Variants in BTBD6 observed in about 807,000 individuals in gnomAD.
BTBD6 encodes the protein BTB/POZ domain-containing protein 6.
In BTBD6, 30 loss-of-function variants were observed where a neutral mutation model predicts 40.6. The ratio of observed to expected loss-of-function variants is 0.74; its 90% CI spans 0.55 to 1.00. The LOEUF (loss-of-function observed/expected upper bound fraction) is 1.00, where lower values mean the gene tolerates loss of function less well. Among genes scored for constraint, BTBD6 ranks in the 50% least tolerant of loss-of-function variants. The pLI is 0.00. For missense variants in BTBD6, 698 were observed against 694.6 expected (o/e 1.00, Z -0.06); for synonymous variants, 378 against 308.7 (o/e 1.22, Z -2.35).
rs1356884438 is a variant in BTBD6, at chr14:105,248,853, G to A, written c.142G>A (p.Ala48Thr). Reference sequence around the variant, plus strand: ...GTCCACAGGCGCCGAGGCTGCCCCCGCCGCCCCGCCCGCGAAGATGGCGGC... The same window carrying A: ...GTCCACAGGCGCCGAGGCTGCCCCCACCGCCCCGCCCGCGAAGATGGCGGC... ...AASTGAEAAPAAPPAKMAAEL... is the reference protein window; with the variant it reads ...AASTGAEAAPTAPPAKMAAEL... The change falls in exon 1 of 4, where the codon GCC becomes ACC. Residue 48 changes from alanine to threonine, a missense_variant. Coordinates refer to ENST00000392554, the MANE Select transcript of BTBD6 (RefSeq NM_001387567.1). 2 of 990,324 alleles carry A rather than the reference G, an allele frequency of 2.0e-6. No homozygotes were observed. The highest frequency in any genetic ancestry group is 5.1e-4 in the Middle Eastern group (1 of 1,956). The allele number at this position is 990,324 out of a possible 1,614,324, so 61.3% of individuals were successfully genotyped here. A position where few individuals can be genotyped will look rare whatever the true frequency, so the allele number is the denominator to read the frequency against.
chr14:105,249,319 T>G, intron 2 of BTBD6, 41 bp from the exon 3 acceptor site: 1 of 1,595,780 alleles, frequency 6.3e-7, no homozygotes, highest in Non-Finnish European at 8.5e-7. Context: ...ACACGCAGCC[T>G]GCGGGAGAGC....
In BTBD6 at chr14:105,249,341, C is replaced by T. The variant is rs1388525221; in HGVS notation, c.466-19C>T. Reference sequence around the variant, plus strand: ...GCCTGCGGGAGAGCCAGGCTCACGGCGGCGCTTTCTCCTCCCAGTACGTCT... The same window carrying T: ...GCCTGCGGGAGAGCCAGGCTCACGGTGGCGCTTTCTCCTCCCAGTACGTCT... On this transcript the variant is annotated intron_variant, in intron 2 of 3. Coordinates refer to ENST00000392554, the MANE Select transcript of BTBD6 (RefSeq NM_001387567.1). 7 of 1,604,640 alleles carry T rather than the reference C, an allele frequency of 4.4e-6. No homozygotes were observed. The highest frequency in any genetic ancestry group is 2.2e-5 in the East Asian group (1 of 44,704).
In BTBD6 at chr14:105,248,612, CTGGCCGGGCT is replaced by C. The variant is rs2055326387; in HGVS notation, c.-99_-90del. 1.0e-6 allele frequency: 1 copy of C among 975,024 alleles called. No individual in the cohort carries two copies. Among genetic ancestry groups the C allele is most frequent in the Non-Finnish European group, 1.2e-6 (1 of 824,598 alleles). 60.4% of individuals were successfully genotyped at this position (975,024 alleles called of 1,614,324 possible). On this transcript the variant is annotated 5_prime_UTR_variant, in exon 1 of 4. Transcript: ENST00000392554. Reference sequence around the variant, plus strand: ...GGGACGGCGCCCCCCGCGGCCGGGCCTGGCCGGGCTGCGCTAGGCTGGGCTCGGGCAGGGT... The same window carrying C: ...GGGACGGCGCCCCCCGCGGCCGGGCCGCGCTAGGCTGGGCTCGGGCAGGGT...
chr14:105,249,286 C>T (rs1409939051), intron 2 of BTBD6, 39 bp downstream of exon 2: 8 of 1,561,904 alleles, frequency 5.1e-6, no homozygotes, highest in Non-Finnish European at 6.1e-6. Flanking sequence ...CGTGCCCCGT[C>T]CGCCCCGTCC....
chr14:105,250,674 G>T lies in BTBD6; in HGVS notation c.*2G>T. On this transcript the variant is annotated 3_prime_UTR_variant, in exon 4 of 4. Coordinates refer to ENST00000392554, the MANE Select transcript of BTBD6 (RefSeq NM_001387567.1). ...CCTGAGCTCATTTTCTATGCCTGAGGTGCCCGGGGAGGCTGCAGCAGGTCA... is the reference window on the plus strand; with the variant it reads ...CCTGAGCTCATTTTCTATGCCTGAGTTGCCCGGGGAGGCTGCAGCAGGTCA... The T allele has an allele frequency of 6.2e-7, 1 of 1,602,486 alleles. No homozygotes were observed. The highest frequency in any genetic ancestry group is 8.5e-7 in the Non-Finnish European group (1 of 1,172,158).
chr14:105,249,578 AGGCCCAGCCCCGCGATGGGTGCTT>A, intron 3 of BTBD6, 38 bp from the exon 4 acceptor site: 1 of 1,586,870 alleles, frequency 6.3e-7, no homozygotes, highest in Non-Finnish European at 8.6e-7. Context: ...CTCCTCTCCC[AGGCCCAGCCCCGCGATGGGTGCTT>A]GGGAGCCAGC....
chr14:105,249,640 G>A lies in BTBD6; in HGVS notation c.585G>A (p.Lys195=). The change falls in exon 4 of 4, where the codon AAG becomes AAA. Residue 195 remains lysine, a splice_region_variant and synonymous_variant. Coordinates refer to ENST00000392554, the MANE Select transcript of BTBD6 (RefSeq NM_001387567.1). ...CTGACGCGGGCCCTGCCTCGCCTAG[G>A]TACATGTACAGTGATGAGATCGATC... The part of the protein sequence containing the change: ...VEPAAFLILL[K]YMYSDEIDLE... The A allele has an allele frequency of 2.5e-6, 4 of 1,609,154 alleles. No individual in the cohort carries two copies. The highest frequency in any genetic ancestry group is 3.4e-6 in the Non-Finnish European group (4 of 1,177,276).
rs1386738404 is a variant in BTBD6 at position 105,248,576 on chromosome 14, G to GGCGAGCGGGCGGGCGGGACGGCGA, written c.-133_-132insAGCGGGCGGGCGGGACGGCGAGCG. 1.1e-6 allele frequency: 1 copy of GGCGAGCGGGCGGGCGGGACGGCGA among 913,498 alleles called. No homozygotes were observed. Among genetic ancestry groups the GGCGAGCGGGCGGGCGGGACGGCGA allele is most frequent in the African/African-American group, 1.9e-5 (1 of 52,548 alleles). The allele number at this position is 913,498 out of a possible 1,614,324, so 56.6% of individuals were successfully genotyped here. On this transcript the variant is annotated 5_prime_UTR_variant, in exon 1 of 4. Coordinates refer to ENST00000392554, the MANE Select transcript of BTBD6 (RefSeq NM_001387567.1). ...GCCGCGGCGGGTACGGGCTCGGGCG[G>GGCGAGCGGGCGGGCGGGACGGCGA]GCGGGCGGGCGGGACGGCGCCCCCC...
In BTBD6 at chr14:105,248,767, T is replaced by C; in HGVS notation, c.56T>C (p.Leu19Ser). The C allele has an allele frequency of 1.0e-6, 1 of 980,968 alleles. No homozygotes were observed. The highest frequency in any genetic ancestry group is 1.2e-6 in the Non-Finnish European group (1 of 828,714). The allele number at this position is 980,968 out of a possible 1,614,324, so 60.8% of individuals were successfully genotyped here. The change falls in exon 1 of 4, where the codon TTG (leucine) becomes TCG (serine). Residue 19 changes from leucine to serine, a missense_variant. Leu to Ser is a moderately radical substitution (Grantham distance 145, BLOSUM62 -2). Transcript: ENST00000392554. ...CGCGTCGCTCAGTGCCTGACCTCCT[T>C]GCTTTTGCTTGCAGAGCCGCTCCCG... ...HGRVAQCLTSLLLLAEPLPRP... is the reference protein window; with the variant it reads ...HGRVAQCLTSSLLLAEPLPRP...
Position 105,250,708 on chromosome 14 carries a change from G to C in BTBD6, c.*36G>C. The C allele has an allele frequency of 6.4e-7, 1 of 1,573,264 alleles. No individual in the cohort carries two copies. Reference sequence around the variant, plus strand: ...GAGGCTGCAGCAGGTCAGCGAGTGAGTGGAGGGGAAGTCAAGATGCTAACT... The same window carrying C: ...GAGGCTGCAGCAGGTCAGCGAGTGACTGGAGGGGAAGTCAAGATGCTAACT... On this transcript the variant is annotated 3_prime_UTR_variant, in exon 4 of 4. Transcript: ENST00000392554.
Position 105,249,965 on chromosome 14 carries a change from G to T in BTBD6, c.910G>T (p.Ala304Ser). The part of the protein sequence containing the change: ...LNTKEAVVFE[A>S]VLNWAEAECK... ...CACCAAAGAGGCGGTGGTCTTCGAGGCCGTCCTGAACTGGGCCGAGGCGGA... is the reference window on the plus strand; with the variant it reads ...CACCAAAGAGGCGGTGGTCTTCGAGTCCGTCCTGAACTGGGCCGAGGCGGA... The change falls in exon 4 of 4, where the codon GCC (alanine) becomes TCC (serine). Residue 304 changes from alanine (A) to serine (S), a missense_variant. By Grantham distance (99) the Ala-to-Ser change is moderately conservative. Coordinates refer to ENST00000392554, the MANE Select transcript of BTBD6 (RefSeq NM_001387567.1). The T allele has an allele frequency of 6.2e-7, 1 of 1,612,332 alleles. No individual in the cohort carries two copies. Among genetic ancestry groups the T allele is most frequent in the Non-Finnish European group, 8.5e-7 (1 of 1,180,016 alleles).
chr14:105,249,163 G>T lies in BTBD6; in HGVS notation c.381G>T (p.Ala127=). 1 of 1,579,514 alleles carries T rather than the reference G, an allele frequency of 6.3e-7. No individual in the cohort carries two copies. Among genetic ancestry groups the T allele is most frequent in the Non-Finnish European group, 8.5e-7 (1 of 1,170,334 alleles). Residue 127 remains alanine, a synonymous_variant, in exon 2 of 4, where the codon GCG becomes GCT. Transcript: ENST00000392554. ...CGTGCCTCTACCTTTGCAGGAACGCGCTCATGTTCAACAACGAGCTCATGG... is the reference window on the plus strand; with the variant it reads ...CGTGCCTCTACCTTTGCAGGAACGCTCTCATGTTCAACAACGAGCTCATGG... ...CCRPTLRERN[A]LMFNNELMAD... is the part of the protein sequence containing the mutation.
Position 105,250,755 on chromosome 14 carries a change from C to A in BTBD6, c.*83C>A. 7.3e-7 allele frequency: 1 copy of A among 1,367,500 alleles called. No homozygotes were observed. The highest frequency in any genetic ancestry group is 1.0e-6 in the Non-Finnish European group (1 of 1,001,280). 84.7% of individuals were successfully genotyped at this position (1,367,500 alleles called of 1,614,324 possible). A position where few individuals can be genotyped will look rare whatever the true frequency, so the allele number is the denominator to read the frequency against. On this transcript the variant is annotated 3_prime_UTR_variant, in exon 4 of 4. Coordinates refer to ENST00000392554, the MANE Select transcript of BTBD6 (RefSeq NM_001387567.1). ...AACTGCTTCTTGACACCATGAAAGG[C>A]TGCTCTTAACTTTGTCTCTCTTTGA...
In BTBD6 at chr14:105,250,832, A is replaced by C. The variant is rs1175555384; in HGVS notation, c.*160A>C. On this transcript the variant is annotated 3_prime_UTR_variant, in exon 4 of 4. Transcript: ENST00000392554. ...GTAGAGACATTTTCCACACAGCCAGAACCCAGGGATTGGAGTCTTAGGCAT... is the reference window on the plus strand; with the variant it reads ...GTAGAGACATTTTCCACACAGCCAGCACCCAGGGATTGGAGTCTTAGGCAT... 1.2e-5 allele frequency: 9 copies of C among 774,722 alleles called. No homozygotes were observed. Among genetic ancestry groups the C allele is most frequent in the Non-Finnish European group, 1.9e-5 (9 of 483,780 alleles). The allele number at this position is 774,722 out of a possible 1,614,324, so 48.0% of individuals were successfully genotyped here.
chr14:105,249,900 G>A lies in BTBD6; in HGVS notation c.845G>A (p.Arg282Gln), dbSNP rs145825360. The change falls in exon 4 of 4, where the codon CGG (arginine) becomes CAG (glutamine). Residue 282 changes from arginine to glutamine, a missense_variant. Arg to Gln is a conservative substitution (Grantham distance 43, BLOSUM62 1). Coordinates refer to ENST00000392554, the MANE Select transcript of BTBD6 (RefSeq NM_001387567.1). Reference protein sequence around the residue: ...LRSEGFCEIDRQTLEIIVTRE... With the variant: ...LRSEGFCEIDQQTLEIIVTRE... ...TCCGAAGGCTTCTGTGAGATAGACC[G>A]GCAGACGCTGGAGATCATTGTCACT... 117 of 1,611,110 alleles carry A rather than the reference G, an allele frequency of 7.3e-5. No homozygotes were observed. The highest frequency in any genetic ancestry group is 9.0e-5 in the Non-Finnish European group (106 of 1,179,992).
At position 105,249,457 on chromosome 14, in the gene BTBD6, C is replaced by T; in HGVS notation, c.563C>T (p.Ala188Val). Reference sequence around the variant, plus strand: ...ATTCACATTCCAGACGTGGAGCCCGCAGCCTTTCTGATCCTCTTAAAGTAA... The same window carrying T: ...ATTCACATTCCAGACGTGGAGCCCGTAGCCTTTCTGATCCTCTTAAAGTAA... ...SEIHIPDVEP[A>V]AFLILLKYMY... is the part of the protein sequence containing the mutation. Residue 188 changes from alanine (A) to valine (V), a missense_variant, in exon 3 of 4, where the codon GCA becomes GTA. Transcript: ENST00000392554. 1 of 1,613,640 alleles carries T rather than the reference C, an allele frequency of 6.2e-7. No individual in the cohort carries two copies.
Position 105,250,929 on chromosome 14 carries a change from C to A in BTBD6, c.*257C>A. The A allele has an allele frequency of 2.1e-6, 1 of 485,022 alleles. No homozygotes were observed. The allele number at this position is 485,022 out of a possible 1,614,324, so 30.0% of individuals were successfully genotyped here. A position where few individuals can be genotyped will look rare whatever the true frequency, so the allele number is the denominator to read the frequency against. ...CTCAAGACAGGCCCCAGATCCCCTCCCAGTGGCACCCATGCCACCTGCTTT... is the reference window on the plus strand; with the variant it reads ...CTCAAGACAGGCCCCAGATCCCCTCACAGTGGCACCCATGCCACCTGCTTT... On this transcript the variant is annotated 3_prime_UTR_variant, in exon 4 of 4. Coordinates refer to ENST00000392554, the MANE Select transcript of BTBD6 (RefSeq NM_001387567.1).
rs1234206981 is a variant in BTBD6, at chr14:105,250,544, T to C, written c.1489T>C (p.Phe497Leu). 6.2e-7 allele frequency: 1 copy of C among 1,614,032 alleles called. No homozygotes were observed. The highest frequency in any genetic ancestry group is 8.5e-7 in the Non-Finnish European group (1 of 1,180,016). ...CCTGGACGGCAGCGAACTCAGCTAC[T>C]TTGGGCAGGAGGGGATGACGGAAGT... is the stretch of plus-strand genomic sequence containing the variant. ...AVLDGSELSYFGQEGMTEVQC... is the reference protein window; with the variant it reads ...AVLDGSELSYLGQEGMTEVQC... Residue 497 changes from phenylalanine (F) to leucine (L), a missense_variant, in exon 4 of 4, where the codon TTT (phenylalanine) becomes CTT (leucine). By Grantham distance (22) the Phe-to-Leu change is conservative. Transcript: ENST00000392554.
rs1389367343 is a variant in BTBD6 at position 105,249,628 on chromosome 14, T to G, written c.585-12T>G. 6.3e-7 allele frequency: 1 copy of G among 1,598,790 alleles called. No individual in the cohort carries two copies. Among genetic ancestry groups the G allele is most frequent in the Non-Finnish European group, 8.5e-7 (1 of 1,170,886 alleles). On this transcript the variant is annotated splice_polypyrimidine_tract_variant and intron_variant, in intron 3 of 3. Coordinates refer to ENST00000392554, the MANE Select transcript of BTBD6 (RefSeq NM_001387567.1). ...GGGAGCCAGCCCCTGACGCGGGCCC[T>G]GCCTCGCCTAGGTACATGTACAGTG...
Sources: allele counts gnomAD v4.1 joint callset, GRCh38; gene constraint gnomAD v4.1.1; transcripts MANE v1.5; gene names NCBI Gene and HGNC (gene_info 2026-07-23, HGNC 2026-07-21).